Variants in LPP observed in about 807,000 individuals in gnomAD.
LPP encodes LIM domain containing preferred translocation partner in lipoma.
A neutral mutation model predicts 60.4 loss-of-function variants in LPP; 38 were observed. That is an observed-to-expected ratio of 0.63 (90% CI 0.49 to 0.83). The LOEUF (loss-of-function observed/expected upper bound fraction) is 0.83. Ranked by LOEUF, LPP falls within the 40% of genes least tolerant of loss-of-function variation. The pLI is 0.00. For synonymous variants in LPP, 328 were observed against 290.8 expected (o/e 1.13, Z -1.30); for missense variants, 902 against 783.6 (o/e 1.15, Z -1.80).
chr3:188,612,350 G>A (rs1843900337), intron 7 of LPP, among the ~76,000 whole-genome samples: 1 of 152,132 alleles, frequency 6.6e-6, no homozygotes, highest in African/African-American at 2.4e-5. Flanking sequence ...GTTGGCCTTT[G>A]AGCAAAACAC....
At chr3:188,589,643 A>G (rs951121427) in intron 6 of LPP, among the ~76,000 whole-genome samples, 7 of 152,028 alleles carry the variant, frequency 4.6e-5, no homozygotes, top group African/African-American at 1.7e-4. Flanking sequence ...GTTATTTTGC[A>G]TTTTTTTCTT....
intron 5 of LPP, among the ~76,000 whole-genome samples, chr3:188,511,455 A>C (rs893644431): frequency 6.6e-6 from 1 of 151,880 alleles, no homozygotes. Flanking sequence ...AGGGTATTAG[A>C]GCTTGGCTTT....
At chr3:188,564,602 G>A (rs1831648693) in intron 6 of LPP, among the ~76,000 whole-genome samples, 1 of 151,900 alleles carries the variant, frequency 6.6e-6, no homozygotes, top group African/African-American at 2.4e-5. Flanking sequence ...CTTTCAGGTT[G>A]CAGGAACCAA....
intron 5 of LPP, among the ~76,000 whole-genome samples, chr3:188,492,843 T>C (rs1261380309): frequency 6.6e-6 from 1 of 152,236 alleles, no homozygotes; most frequent in African/African-American, 2.4e-5. Context: ...GCTTGAACAT[T>C]CTTTTCTTCC....
At chr3:188,186,506 G>T (rs1432248953) in intron 1 of LPP, among the ~76,000 whole-genome samples, 1 of 152,060 alleles carries the variant, frequency 6.6e-6, no homozygotes, top group African/African-American at 2.4e-5. Flanking sequence ...TCCCAGGAAA[G>T]CCCCTTCACA....
At chr3:188,481,608 GTACTTTTTAAGACT>G (rs1434529305) in intron 4 of LPP, among the ~76,000 whole-genome samples, 2 of 152,302 alleles carry the variant, frequency 1.3e-5, no homozygotes, top group Admixed American at 6.5e-5. Flanking sequence ...ACAGACAGTT[GTACTTTTTAAGACT>G]TACTTGTTGT....
intron 3 of LPP, among the ~76,000 whole-genome samples, chr3:188,376,382 G>C (rs993130494): frequency 4.6e-5 from 7 of 152,000 alleles, no homozygotes; most frequent in Non-Finnish European, 1.0e-4. Flanking sequence ...TATGAATCTG[G>C]GTGCTCCTAT....
At chr3:188,824,053 G>T (rs1289607098) in intron 9 of LPP, among the ~76,000 whole-genome samples, 2 of 152,060 alleles carry the variant, frequency 1.3e-5, no homozygotes, top group Non-Finnish European at 2.9e-5. Flanking sequence ...TCAAAAATAT[G>T]TATTTAAGTA....
chr3:188,261,702 G>A lies in LPP; in HGVS notation c.-67+36175G>A, dbSNP rs574001154. On this transcript the variant is annotated intron_variant, in intron 2 of 11. Transcript: ENST00000617246. ...GTAGGAGAATTGCTTGAGGTCAAAG[G>A]TTTGAGACCAGCCTGGGCAACACAG... Among the ~76,000 whole-genome samples, 5 of 151,484 alleles carry A rather than the reference G, an allele frequency of 3.3e-5. No individual in the cohort carries two copies. In the South Asian group the frequency reaches 8.4e-4, roughly 25 times the overall value.
intron 7 of LPP, among the ~76,000 whole-genome samples, chr3:188,653,362 T>C (rs998745313): frequency 6.6e-6 from 1 of 152,246 alleles, no homozygotes; most frequent in Non-Finnish European, 1.5e-5. Flanking sequence ...GAACTTGTCA[T>C]ACCATGTTTC....
rs114285333 is a variant in LPP at position 188,833,610 on chromosome 3, C to T, written c.1411-32590C>T. 2.5e-3 allele frequency among the ~76,000 whole-genome samples: 375 copies of T among 152,246 alleles called. 1 individual carries two copies. The highest frequency in any genetic ancestry group is 8.7e-3 in the African/African-American group (361 of 41,544). On this transcript the variant is annotated intron_variant, in intron 9 of 11. Coordinates refer to ENST00000617246, the MANE Select transcript of LPP (RefSeq NM_001375462.1). ...CTCTCTTCTTGAAGGGCTGTTAGAG[C>T]CTTGGCAGTGTATCTGACGAAAGAT...
chr3:188,688,724 C>T (rs1861420735), intron 7 of LPP: 1 of 463,588 alleles, frequency 2.2e-6, no homozygotes, highest in African/African-American at 2.0e-5. Flanking sequence ...TTATTAAGTG[C>T]CTTTTGCATG....
At chr3:188,458,532 A>C (rs2149408932) in intron 4 of LPP, among the ~76,000 whole-genome samples, 1 of 152,344 alleles carries the variant, frequency 6.6e-6, no homozygotes, top group South Asian at 2.1e-4. Context: ...GGATGAGATT[A>C]CTATAATGTA....
chr3:188,378,854 C>T (rs1204130643), intron 3 of LPP, among the ~76,000 whole-genome samples: 1 of 152,196 alleles, frequency 6.6e-6, no homozygotes, highest in Non-Finnish European at 1.5e-5. Flanking sequence ...CATCTTGGCT[C>T]CTCCTCCCTA....
intron 8 of LPP, among the ~76,000 whole-genome samples, chr3:188,741,347 A>G (rs1724356823): frequency 6.6e-6 from 1 of 151,608 alleles, no homozygotes; most frequent in Non-Finnish European, 1.5e-5. Context: ...TTTAGAGCAA[A>G]TCTTCATATC....
intron 6 of LPP, among the ~76,000 whole-genome samples, chr3:188,548,412 G>A (rs1430549713): frequency 3.9e-5 from 6 of 152,066 alleles, no homozygotes; most frequent in Admixed American, 2.6e-4. Flanking sequence ...AGTGTTTTAC[G>A]CTCTCTAATA....
intron 4 of LPP, among the ~76,000 whole-genome samples, chr3:188,408,077 C>T (rs960113142): frequency 2.6e-5 from 4 of 152,114 alleles, no homozygotes; most frequent in South Asian, 2.1e-4. Flanking sequence ...CGTGAGCCAC[C>T]GCACCTGGCC....
Position 188,874,337 on chromosome 3 carries a change from C to T in LPP, c.1711-14C>T, listed in dbSNP as rs1768977710. ...TTTTACTTATGTCGTTTCCATCTGTCTTTACTGTTCTAGGATTGCGGTGGT... is the reference window on the plus strand; with the variant it reads ...TTTTACTTATGTCGTTTCCATCTGTTTTTACTGTTCTAGGATTGCGGTGGT... On this transcript the variant is annotated splice_polypyrimidine_tract_variant and intron_variant, in intron 11 of 11. Coordinates refer to ENST00000617246, the MANE Select transcript of LPP (RefSeq NM_001375462.1). The T allele has an allele frequency of 1.2e-6, 2 of 1,608,008 alleles. No homozygotes were observed. The highest frequency in any genetic ancestry group is 1.7e-6 in the Non-Finnish European group (2 of 1,175,846).
intron 8 of LPP, among the ~76,000 whole-genome samples, chr3:188,713,753 C>T (rs1263234234): frequency 6.6e-6 from 1 of 152,162 alleles, no homozygotes. Context: ...GGACTCCCCT[C>T]CTCTCTAAAA....
Sources: gnomAD v4.1 joint callset for allele counts (sites outside exome capture counted in the v4.1 genomes callset) on GRCh38, gnomAD v4.1.1 for gene constraint, MANE v1.5 for transcripts, NCBI Gene and HGNC (gene_info 2026-07-23, HGNC 2026-07-21) for gene names.